The following PLA2G4A variants were observed in gnomAD, a reference collection of about 807,000 sequenced individuals.
PLA2G4A encodes the protein phospholipase A2 group IVA, also known as cytosolic phospholipase A2.
A neutral mutation model predicts 81.9 loss-of-function variants in PLA2G4A; 40 were observed. That is an observed-to-expected ratio of 0.49 (90% CI 0.38 to 0.64). The LOEUF (loss-of-function observed/expected upper bound fraction) is 0.64. Among genes scored for constraint, PLA2G4A ranks in the 30% least tolerant of loss-of-function variants. The probability of loss-of-function intolerance (pLI) is 0.00; values close to 1 mark genes in which losing one functional copy is unlikely to be tolerated. For missense variants in PLA2G4A, 715 were observed against 905.1 expected (o/e 0.79, Z 2.69); for synonymous variants, 302 against 296.9 (o/e 1.02, Z -0.18).
intron 13 of PLA2G4A, among the ~76,000 whole-genome samples, chr1:186,953,741 G>A (rs1054048851): frequency 4.6e-5 from 7 of 152,114 alleles, no homozygotes; most frequent in Non-Finnish European, 1.0e-4. Flanking sequence ...TAAGCAATAA[G>A]TATCATTTAT....
chr1:186,934,441 C>CATATATATATATATATATATATATAT (rs1209342571), intron 8 of PLA2G4A, among the ~76,000 whole-genome samples: 4 of 4,020 alleles, frequency 1.0e-3, no homozygotes, highest in Non-Finnish European at 2.2e-3. Context: ...TTTAAATGTG[C>CATATATATATATATATATATATATAT]ACATATATAT....
At chr1:186,897,962 CT>C (rs1469291622) in intron 5 of PLA2G4A, among the ~76,000 whole-genome samples, 1 of 152,062 alleles carries the variant, frequency 6.6e-6, no homozygotes, top group Non-Finnish European at 1.5e-5. Context: ...TGCTCCTCTC[CT>C]TCTCTCCTTA....
chr1:186,955,116 C>T (rs1656701045), intron 13 of PLA2G4A, among the ~76,000 whole-genome samples: 2 of 152,070 alleles, frequency 1.3e-5, no homozygotes, highest in Admixed American at 1.3e-4. Flanking sequence ...TATAATTTCC[C>T]AGGAGTAATG....
chr1:186,904,967 A>T (rs1164827480), intron 5 of PLA2G4A, among the ~76,000 whole-genome samples: 1 of 151,900 alleles, frequency 6.6e-6, no homozygotes, highest in Non-Finnish European at 1.5e-5. Flanking sequence ...TGATTCTCCT[A>T]CCTCAGCCTC....
chr1:186,905,726 G>A (rs1055104513), intron 5 of PLA2G4A, among the ~76,000 whole-genome samples: 7 of 141,852 alleles, frequency 4.9e-5, no homozygotes, highest in East Asian at 2.1e-4. Flanking sequence ...ACACACAAAC[G>A]AACAGTAATT....
chr1:186,914,318 T>C (rs2102162769), intron 7 of PLA2G4A, among the ~76,000 whole-genome samples: 1 of 152,170 alleles, frequency 6.6e-6, no homozygotes. Flanking sequence ...CCCAGGTTGG[T>C]CTCAAACTCC....
intron 6 of PLA2G4A, among the ~76,000 whole-genome samples, chr1:186,911,041 T>C (rs2102154155): frequency 6.6e-6 from 1 of 152,352 alleles, no homozygotes; most frequent in African/African-American, 2.4e-5. Flanking sequence ...TGGAAAGTCC[T>C]TTTTCTCTGA....
chr1:186,873,423 T>C (rs1178236705), intron 3 of PLA2G4A, among the ~76,000 whole-genome samples: 1 of 152,140 alleles, frequency 6.6e-6, no homozygotes, highest in African/African-American at 2.4e-5. Flanking sequence ...CTACATCCTC[T>C]TCTGTTGTTG....
intron 8 of PLA2G4A, among the ~76,000 whole-genome samples, chr1:186,937,256 A>G (rs1320567880): frequency 1.3e-5 from 1 of 76,108 alleles, no homozygotes; most frequent in Non-Finnish European, 2.2e-5. Context: ...ACGGGAAAAG[A>G]GAGAGAGAGA....
At chr1:186,955,644 A>T (rs137935865) in intron 13 of PLA2G4A, among the ~76,000 whole-genome samples, 219 of 152,232 alleles carry the variant, frequency 1.4e-3, no homozygotes, top group African/African-American at 5.1e-3. Context: ...AAAATGATTA[A>T]CTGCAATATT....
chr1:186,835,852 G>A (rs929490490), intron 1 of PLA2G4A, among the ~76,000 whole-genome samples: 2 of 152,148 alleles, frequency 1.3e-5, no homozygotes, highest in African/African-American at 4.8e-5. Flanking sequence ...GTAAATTAAA[G>A]ATTTAATTGC....
At chr1:186,862,737 A>T (rs115746097) in intron 2 of PLA2G4A, among the ~76,000 whole-genome samples, 3 of 152,184 alleles carry the variant, frequency 2.0e-5, no homozygotes, top group Non-Finnish European at 4.4e-5. Flanking sequence ...GTAATTCTAA[A>T]CCAAATAAAT....
intron 3 of PLA2G4A, among the ~76,000 whole-genome samples, chr1:186,876,853 T>A (rs1288361159): frequency 1.3e-5 from 2 of 152,054 alleles, no homozygotes; most frequent in African/African-American, 4.8e-5. Context: ...TCCCGAAGGG[T>A]AACCCTCTTT....
At chr1:186,983,034 A>T (rs1341046753) in intron 17 of PLA2G4A, among the ~76,000 whole-genome samples, 2 of 151,708 alleles carry the variant, frequency 1.3e-5, no homozygotes, top group Non-Finnish European at 2.9e-5. Flanking sequence ...CAGTGAGCCA[A>T]GATCGCACCA....
At chr1:186,968,393 G>GGT (rs1291464246) in intron 15 of PLA2G4A, among the ~76,000 whole-genome samples, 652 of 31,566 alleles carry the variant, frequency 0.021, 5 homozygotes, top group African/African-American at 0.064. Context: ...CTCTTTTCGC[G>GGT]GTGTGTATGT....
intron 3 of PLA2G4A, among the ~76,000 whole-genome samples, chr1:186,891,287 A>T (rs1654128549): frequency 6.6e-6 from 1 of 152,168 alleles, no homozygotes; most frequent in African/African-American, 2.4e-5. Flanking sequence ...TGAAGCATTT[A>T]TGATTTGTTG....
chr1:186,974,746 T>C (rs377211075), intron 15 of PLA2G4A, among the ~76,000 whole-genome samples: 2 of 152,234 alleles, frequency 1.3e-5, no homozygotes, highest in South Asian at 2.1e-4. Flanking sequence ...TTTAAAATAC[T>C]TTCTAAAAAC....
intron 3 of PLA2G4A, among the ~76,000 whole-genome samples, chr1:186,889,791 TC>T (rs770255365): frequency 5.3e-5 from 8 of 151,856 alleles, no homozygotes; most frequent in East Asian, 1.9e-4. Flanking sequence ...ACTTCTTCTC[TC>T]CCCCCTCCCT....
chr1:186,936,214 A>C (rs1655937876), intron 8 of PLA2G4A, among the ~76,000 whole-genome samples: 2 of 151,978 alleles, frequency 1.3e-5, no homozygotes, highest in African/African-American at 4.8e-5. Context: ...ACTAAAATAG[A>C]ATTTGAGAGT....
Sources: gnomAD v4.1 joint callset for allele counts (sites outside exome capture counted in the v4.1 genomes callset) on GRCh38, gnomAD v4.1.1 for gene constraint, MANE v1.5 for transcripts, NCBI Gene and HGNC (gene_info 2026-07-23, HGNC 2026-07-21) for gene names.